NBEAL1: variants seen among roughly 807,000 people sequenced by gnomAD.
The protein encoded by NBEAL1 is neurobeachin-like protein 1.
A neutral mutation model predicts 351.3 loss-of-function variants in NBEAL1; 273 were observed. The ratio of observed to expected loss-of-function variants is 0.78; its 90% CI spans 0.70 to 0.86. The LOEUF is 0.86. Ranked by LOEUF, NBEAL1 falls within the 40% of genes least tolerant of loss-of-function variation. The pLI is 0.00. For missense variants in NBEAL1, 2,961 were observed against 3,201.3 expected, an observed-to-expected ratio of 0.92 and a Z score of 1.81; for synonymous variants, 1,050 against 1,086.4, an observed-to-expected ratio of 0.97 and a Z score of 0.66.
At chr2:203,216,009 TAAA>T (rs60748031) in intron 55 of NBEAL1, among the ~76,000 whole-genome samples, 89 of 125,506 alleles carry the variant, frequency 7.1e-4, no homozygotes, top group Non-Finnish European at 9.3e-4. Context: ...AAACCCTGTC[TAAA>T]AAAAAAAAAA....
At chr2:203,119,463 G>T (rs892459656) in intron 18 of NBEAL1, among the ~76,000 whole-genome samples, 2 of 78,736 alleles carry the variant, frequency 2.5e-5, no homozygotes, top group Non-Finnish European at 4.7e-5. Flanking sequence ...GTCTCGCTCT[G>T]TTGCCAGGCT....
intron 25 of NBEAL1, among the ~76,000 whole-genome samples, chr2:203,131,696 G>A (rs578089494): frequency 1.5e-4 from 23 of 152,150 alleles, no homozygotes; most frequent in African/African-American, 5.1e-4. Flanking sequence ...TGCAACCTCC[G>A]GCATAAATGG....
intron 36 of NBEAL1, among the ~76,000 whole-genome samples, chr2:203,159,705 C>T (rs984887931): frequency 1.3e-5 from 2 of 152,048 alleles, no homozygotes; most frequent in Non-Finnish European, 2.9e-5. Context: ...TATTCAGGTA[C>T]AAGTTTTTGT....
intron 35 of NBEAL1, among the ~76,000 whole-genome samples, chr2:203,152,274 C>G (rs2106356652): frequency 6.6e-6 from 1 of 151,220 alleles, no homozygotes; most frequent in East Asian, 2.0e-4. Flanking sequence ...CTTAGCAATC[C>G]TTTATGCCTT....
chr2:203,027,816 A>C (rs912875071), intron 2 of NBEAL1, among the ~76,000 whole-genome samples: 1 of 152,020 alleles, frequency 6.6e-6, no homozygotes, highest in Non-Finnish European at 1.5e-5. Context: ...AGGTCAAGTG[A>C]TCTTCCTATT....
chr2:203,207,033 C>T (rs1461548534), intron 51 of NBEAL1, among the ~76,000 whole-genome samples: 1 of 151,936 alleles, frequency 6.6e-6, no homozygotes, highest in Admixed American at 6.5e-5. Context: ...TGTCCGGCCG[C>T]CCATCATCTG....
chr2:203,150,686 G>A (rs1404112881), intron 34 of NBEAL1, among the ~76,000 whole-genome samples: 1 of 151,942 alleles, frequency 6.6e-6, no homozygotes, highest in Non-Finnish European at 1.5e-5. Flanking sequence ...TCTCCTAAGA[G>A]TTTTATAGTT....
chr2:203,209,492 A>G (rs1251037327), intron 53 of NBEAL1, among the ~76,000 whole-genome samples, 170 bp downstream of exon 53: 2 of 152,156 alleles, frequency 1.3e-5, no homozygotes, highest in Non-Finnish European at 2.9e-5. Context: ...TTCTACCACA[A>G]TCGTAGCCTC....
chr2:203,192,670 G>A (rs375483104), intron 46 of NBEAL1, among the ~76,000 whole-genome samples: 8 of 152,142 alleles, frequency 5.3e-5, no homozygotes, highest in Admixed American at 5.2e-4. Context: ...ACAGGTGTGA[G>A]CCACCGCACC....
chr2:203,190,346 G>C lies in NBEAL1; in HGVS notation c.6878G>C (p.Gly2293Ala). 6.2e-7 allele frequency: 1 copy of C among 1,612,350 alleles called. No individual in the cohort carries two copies. The highest frequency in any genetic ancestry group is 8.5e-7 in the Non-Finnish European group (1 of 1,179,616). The change falls in exon 46 of 56, where the codon GGG becomes GCG. Residue 2293 changes from glycine to alanine, a missense_variant. By Grantham distance (60) the Gly-to-Ala change is moderately conservative. Coordinates refer to ENST00000683969, the MANE Select transcript of NBEAL1 (RefSeq NM_001378026.1). ...TDEKERKALE[G>A]MINNFGQTPC... ...GAGAAAGAAAGAAAAGCCTTAGAAG[G>C]GATGATTAATAATTTTGGGCAAACA...
In NBEAL1 at chr2:203,144,887, A is replaced by C. The variant is rs766519245; in HGVS notation, c.5136A>C (p.Gln1712His). ...AATATTGTAATTCAAATGAATGGCA[A>C]GTTTACATTGAAAAATATGTAAGTT... ...FQEYCNSNEW[Q>H]VYIEKYIVPY... The change falls in exon 32 of 56, where the codon CAA (glutamine) becomes CAC (histidine). Residue 1712 changes from glutamine (Q) to histidine (H), a missense_variant. By Grantham distance (24) the Gln-to-His change is conservative. Transcript: ENST00000683969. The C allele has an allele frequency of 1.1e-5, 18 of 1,589,292 alleles. No individual in the cohort carries two copies. Among genetic ancestry groups the C allele is most frequent in the Non-Finnish European group, 1.5e-5 (18 of 1,171,144 alleles).
chr2:203,149,379 T>A (rs1033253907), intron 34 of NBEAL1, among the ~76,000 whole-genome samples: 13 of 152,150 alleles, frequency 8.5e-5, no homozygotes, highest in Admixed American at 6.5e-5. Flanking sequence ...ATATGAAGTT[T>A]ATTGGACTTT....
At chr2:203,090,755 G>T (rs1013781405) in intron 10 of NBEAL1, among the ~76,000 whole-genome samples, 1 of 152,070 alleles carries the variant, frequency 6.6e-6, no homozygotes, top group Non-Finnish European at 1.5e-5. Flanking sequence ...CAGGTGTCGT[G>T]GCGCATGCCT....
At chr2:203,151,840 A>G (rs1403415231) in intron 35 of NBEAL1, among the ~76,000 whole-genome samples, 1 of 152,228 alleles carries the variant, frequency 6.6e-6, no homozygotes, top group Non-Finnish European at 1.5e-5. Context: ...ACTGTACTTC[A>G]TATCAACTGT....
chr2:203,108,162 A>G lies in NBEAL1; in HGVS notation c.1923A>G (p.Lys641=). 6.4e-7 allele frequency: 1 copy of G among 1,550,446 alleles called. No homozygotes were observed. The highest frequency in any genetic ancestry group is 8.7e-7 in the Non-Finnish European group (1 of 1,146,058). ...AGTTGACTCTTGGCATTGCTAACAA[A>G]GGAGGGAAAAGGAAACAATTGTACA... ...QDQLTLGIAN[K]GGKRKQLYSF... The change falls in exon 14 of 56, where the codon AAA becomes AAG. Residue 641 remains lysine (K), a synonymous_variant. Transcript: ENST00000683969.
At chr2:203,126,748 A>G (rs1420601334) in intron 22 of NBEAL1, 32 bp downstream of exon 22, 2 of 1,516,242 alleles carry the variant, frequency 1.3e-6, no homozygotes, top group Non-Finnish European at 1.8e-6. Context: ...AACATTTTAT[A>G]GTTGTTTTAG....
intron 4 of NBEAL1, among the ~76,000 whole-genome samples, chr2:203,055,042 G>C (rs1001884135): frequency 2.0e-4 from 30 of 152,156 alleles, no homozygotes; most frequent in African/African-American, 7.2e-4. Flanking sequence ...TGCAAAAATG[G>C]ATCTAAATGC....
intron 7 of NBEAL1, among the ~76,000 whole-genome samples, chr2:203,072,409 TG>T (rs1403661839): frequency 1.3e-5 from 2 of 151,842 alleles, no homozygotes. Context: ...CTTGTTTGTT[TG>T]TTTTTTTTTT....
intron 12 of NBEAL1, among the ~76,000 whole-genome samples, chr2:203,101,370 G>A (rs1471024925): frequency 6.6e-6 from 1 of 152,080 alleles, no homozygotes; most frequent in East Asian, 1.9e-4. Flanking sequence ...GTCTGTTTTT[G>A]TACCAGTACT....
Sources: gnomAD v4.1 joint callset for allele counts (sites outside exome capture counted in the v4.1 genomes callset) on GRCh38, gnomAD v4.1.1 for gene constraint, MANE v1.5 for transcripts, NCBI Gene and HGNC (gene_info 2026-07-23, HGNC 2026-07-21) for gene names.